AKR1C2: variants seen among roughly 807,000 people sequenced by gnomAD.
AKR1C2 encodes the protein aldo-keto reductase family 1 member C2, also known as 3-alpha-HSD3.
A neutral mutation model predicts 39.8 loss-of-function variants in AKR1C2; 27 were observed. That is an observed-to-expected ratio of 0.68 (90% CI 0.50 to 0.93). The LOEUF is 0.93. Among genes scored for constraint, AKR1C2 ranks in the 40% least tolerant of loss-of-function variants. The probability of loss-of-function intolerance (pLI) is 0.00; values close to 1 mark genes in which losing one functional copy is unlikely to be tolerated. For missense variants in AKR1C2, 263 were observed against 365.1 expected, an observed-to-expected ratio of 0.72 and a Z score of 2.28; for synonymous variants, 114 against 137.9, an observed-to-expected ratio of 0.83 and a Z score of 1.22.
intron 2 of AKR1C2, 88 bp downstream of exon 2, chr10:5,001,426 C>G: frequency 6.6e-7 from 1 of 1,524,062 alleles, no homozygotes; most frequent in Non-Finnish European, 8.8e-7. Flanking sequence ...CACAATTCAC[C>G]CTCAACTATG....
In AKR1C2 at chr10:4,988,575, G is replaced by A. The variant is rs1836736684; in HGVS notation, c.*1421C>T. On this transcript the variant is annotated 3_prime_UTR_variant, in exon 9 of 9. Coordinates refer to ENST00000380753, the MANE Select transcript of AKR1C2 (RefSeq NM_001393392.1). ...GGCCTCTTCCAATTTTATAGAATAAGTAATTTACAGAAAAATTGTGAGCTG... is the reference window on the plus strand; with the variant it reads ...GGCCTCTTCCAATTTTATAGAATAAATAATTTACAGAAAAATTGTGAGCTG... The A allele has an allele frequency of 6.6e-6, 1 of 152,176 alleles. No individual in the cohort carries two copies. Among genetic ancestry groups the A allele is most frequent in the African/African-American group, 2.4e-5 (1 of 41,434 alleles). The allele number at this position is 152,176 out of a possible 1,614,324, so 9.4% of individuals were successfully genotyped here.
chr10:5,012,241 T>C (rs1185881147), intron 1 of AKR1C2, among the ~76,000 whole-genome samples: 3 of 151,898 alleles, frequency 2.0e-5, no homozygotes, highest in African/African-American at 7.3e-5. Flanking sequence ...TAAGGCTTAC[T>C]TGCTTCAAGT....
At chr10:5,006,939 A>G (rs4529810), upstream of AKR1C2, among the ~76,000 whole-genome samples, 145,411 of 147,158 alleles carry the variant, frequency 0.99, 71,858 homozygotes, top group Middle Eastern at 1. Context: ...ATGCCCAGCT[A>G]ATTTTTGTAT....
At chr10:5,012,946 A>T (rs1302797599) in intron 1 of AKR1C2, among the ~76,000 whole-genome samples, 2 of 152,216 alleles carry the variant, frequency 1.3e-5, no homozygotes, top group East Asian at 3.8e-4. Context: ...TGGTGTATTT[A>T]TAACCCATTC....
At chr10:5,009,960 T>G (rs1837485885) in intron 1 of AKR1C2, among the ~76,000 whole-genome samples, 1 of 143,474 alleles carries the variant, frequency 7.0e-6, no homozygotes, top group African/African-American at 2.6e-5. Flanking sequence ...TCCATCTTGC[T>G]GAGAGCTGCC....
In AKR1C2 at chr10:4,990,085, T is replaced by C. The variant is rs781810261; in HGVS notation, c.930-47A>G. On this transcript the variant is annotated intron_variant, in intron 8 of 8. Transcript: ENST00000380753. ...CACACTCTGAATGGCAATGACTCCG[T>C]TACTAGCCCGTAGCGCAGTGATTTC... The C allele has an allele frequency of 2.5e-6, 4 of 1,608,998 alleles. No homozygotes were observed. The East Asian group carries it at 8.9e-5, about 36-fold the overall frequency.
upstream of AKR1C2, among the ~76,000 whole-genome samples, chr10:5,004,285 G>A (rs1430075851): frequency 2.6e-5 from 4 of 152,124 alleles, no homozygotes; most frequent in Non-Finnish European, 4.4e-5. Context: ...CAATTTAAAG[G>A]AATGACTAAT....
upstream of AKR1C2, chr10:5,006,453 A>G (rs2801886): frequency 2.0e-5 from 3 of 151,990 alleles, no homozygotes; most frequent in African/African-American, 4.8e-5. Context: ...AATAGAAAAA[A>G]TTAGCTGGTC....
upstream of AKR1C2, chr10:5,006,496 C>G (rs61856087): frequency 0.23 from 35,662 of 151,870 alleles, 4,475 homozygotes; most frequent in Middle Eastern, 0.38. Flanking sequence ...CCAGCTACTC[C>G]GGAGGCTAAG....
Position 4,999,397 on chromosome 10 carries a change from G to A in AKR1C2, c.370-120C>T, listed in dbSNP as rs1336354761. ...GAGGTAGGTGATGCAGCGCTCCAGA[G>A]AGTGGTATGTACAAAGTGTACTACA... On this transcript the variant is annotated intron_variant, in intron 3 of 8. Coordinates refer to ENST00000380753, the MANE Select transcript of AKR1C2 (RefSeq NM_001393392.1). 1.9e-6 allele frequency: 3 copies of A among 1,604,844 alleles called. No homozygotes were observed. The African/African-American group carries it at 4.0e-5, about 21-fold the overall frequency.
intron 7 of AKR1C2, among the ~76,000 whole-genome samples, chr10:4,994,150 A>G (rs1309161443): frequency 6.6e-6 from 1 of 151,766 alleles, no homozygotes; most frequent in Non-Finnish European, 1.5e-5. Context: ...AATATATATC[A>G]TACGTGATGT....
At chr10:5,013,136 A>C (rs1477498261) in intron 1 of AKR1C2, among the ~76,000 whole-genome samples, 3 of 152,214 alleles carry the variant, frequency 2.0e-5, no homozygotes, top group African/African-American at 7.2e-5. Flanking sequence ...AGAACAAACC[A>C]CCATGGCATG....
In AKR1C2 at chr10:5,001,586, C is replaced by G. The variant is rs142165998; in HGVS notation, c.180G>C (p.Gln60His). The change falls in exon 2 of 9, where the codon CAG (glutamine) becomes CAC (histidine). Residue 60 changes from glutamine (Q) to histidine (H), a missense_variant. Gln to His is a conservative substitution (Grantham distance 24). Transcript: ENST00000380753. ...DSAHVYNNEE[Q>H]VGLAIRSKIA... is the part of the protein sequence containing the mutation. ...TCTTGCTTCGGATGGCCAGTCCAACCTGCTCCTCATTATTGTAAACATGTG... is the reference window on the plus strand; with the variant it reads ...TCTTGCTTCGGATGGCCAGTCCAACGTGCTCCTCATTATTGTAAACATGTG... 525 of 1,613,914 alleles carry G rather than the reference C, an allele frequency of 3.3e-4. No homozygotes were observed. Among genetic ancestry groups the G allele is most frequent in the Non-Finnish European group, 4.1e-4 (481 of 1,179,924 alleles).
intron 1 of AKR1C2, among the ~76,000 whole-genome samples, chr10:5,011,301 T>C (rs752665017): frequency 1.9e-4 from 29 of 152,200 alleles, no homozygotes; most frequent in Non-Finnish European, 3.8e-4. Flanking sequence ...CTCAGAAGGC[T>C]GGGAGGCTGG....
At chr10:5,011,993 G>T (rs1480140181) in intron 1 of AKR1C2, among the ~76,000 whole-genome samples, 14 of 152,090 alleles carry the variant, frequency 9.2e-5, no homozygotes, top group Admixed American at 7.9e-4. Flanking sequence ...AGAATGTAAA[G>T]AACAGCAATG....
intron 1 of AKR1C2, among the ~76,000 whole-genome samples, chr10:5,012,029 A>G (rs1407338800): frequency 3.9e-5 from 6 of 152,132 alleles, no homozygotes; most frequent in Admixed American, 2.0e-4. Flanking sequence ...TGTACAGCGA[A>G]AAAAGATATT....
chr10:5,001,765 C>T, intron 1 of AKR1C2, 84 bp from the exon 2 acceptor site: 3 of 1,578,534 alleles, frequency 1.9e-6, no homozygotes, highest in Admixed American at 1.8e-5. Context: ...TCACAAAAAT[C>T]AGCTTTTCCT....
In AKR1C2 at chr10:4,998,757, A is replaced by G; in HGVS notation, c.448-10T>C. The G allele has an allele frequency of 6.2e-7, 1 of 1,613,894 alleles. No individual in the cohort carries two copies. The highest frequency in any genetic ancestry group is 8.5e-7 in the Non-Finnish European group (1 of 1,179,914). On this transcript the variant is annotated splice_polypyrimidine_tract_variant and intron_variant, in intron 4 of 8. Transcript: ENST00000380753. Reference sequence around the variant, plus strand: ...TACACTTCTCCATGGCCTGGGAAAAAGGAATTGTGAGGTATCATTTGTGTA... The same window carrying G: ...TACACTTCTCCATGGCCTGGGAAAAGGGAATTGTGAGGTATCATTTGTGTA...
chr10:5,003,066 T>G (rs1837319503), intron 1 of AKR1C2, among the ~76,000 whole-genome samples: 2 of 151,928 alleles, frequency 1.3e-5, no homozygotes, highest in South Asian at 4.1e-4. Flanking sequence ...TTTAGCTATT[T>G]CTAAATCTAG....
Sources: allele counts gnomAD v4.1 joint callset (sites outside exome capture counted in the v4.1 genomes callset), GRCh38; gene constraint gnomAD v4.1.1; transcripts MANE v1.5; gene names NCBI Gene and HGNC (gene_info 2026-07-23, HGNC 2026-07-21).